PIN4: variants seen among roughly 807,000 people sequenced by gnomAD.
The protein encoded by PIN4 is peptidyl-prolyl cis-trans isomerase NIMA-interacting 4.
Under a neutral mutation model 8.3 loss-of-function variants are expected in PIN4, and 3 were observed. That is an observed-to-expected ratio of 0.36 (90% CI 0.16 to 0.93). The LOEUF (loss-of-function observed/expected upper bound fraction) is 0.93, where lower values mean the gene tolerates loss of function less well. Ranked by LOEUF, PIN4 falls within the 40% of genes least tolerant of loss-of-function variation. The pLI is 0.44. For synonymous variants in PIN4, 18 were observed against 32.5 expected (o/e 0.55, Z 1.52); for missense variants, 75 against 100.6 (o/e 0.75, Z 1.09).
At chrX:72,209,630 T>C (rs1479619388) in intron 3 of PIN4, among the ~76,000 whole-genome samples, 1 of 111,388 alleles carries the variant, frequency 9.0e-6, no homozygotes, top group Non-Finnish European at 1.9e-5. Context: ...TCTACTACCA[T>C]TACTGTGGCC....
At chrX:72,226,788 G>A (rs981857598) in intron 3 of PIN4, among the ~76,000 whole-genome samples, 8 of 111,209 alleles carry the variant, frequency 7.2e-5, no homozygotes, top group African/African-American at 2.6e-4. Flanking sequence ...TAATCACAGC[G>A]GGGGCACAAG....
intron 2 of PIN4, among the ~76,000 whole-genome samples, chrX:72,188,175 C>T (rs957179962): frequency 8.9e-6 from 1 of 111,988 alleles, no homozygotes; most frequent in Non-Finnish European, 1.9e-5. Flanking sequence ...ATGTTACAAA[C>T]GGAGTACAGC....
chrX:72,240,178 TA>T (rs746139148), intron 3 of PIN4, among the ~76,000 whole-genome samples: 13 of 110,103 alleles, frequency 1.2e-4, no homozygotes, highest in Non-Finnish European at 2.5e-4. Flanking sequence ...AAAAATAATT[TA>T]AAAAAAAAGA....
At chrX:72,221,850 T>C (rs1004725898) in intron 3 of PIN4, among the ~76,000 whole-genome samples, 1 of 109,971 alleles carries the variant, frequency 9.1e-6, no homozygotes, top group Non-Finnish European at 1.9e-5. Flanking sequence ...GCTGTCTGGG[T>C]CTCTCCCTCC....
chrX:72,250,102 G>A (rs2043080961), intron 3 of PIN4, among the ~76,000 whole-genome samples: 1 of 108,690 alleles, frequency 9.2e-6, no homozygotes, highest in Non-Finnish European at 1.9e-5. Flanking sequence ...ACTTTTCAGA[G>A]ATGCCCATCA....
At chrX:72,185,574 CAGTAGTTGTATAG>C (rs1207412523) in intron 1 of PIN4, among the ~76,000 whole-genome samples, 6 of 112,338 alleles carry the variant, frequency 5.3e-5, no homozygotes, top group Non-Finnish European at 1.1e-4. Context: ...GCCTGGAACT[CAGTAGTTGTATAG>C]GAAATGTTTA....
chrX:72,254,390 T>C (rs2043100827), intron 3 of PIN4, among the ~76,000 whole-genome samples: 3 of 111,880 alleles, frequency 2.7e-5, no homozygotes, highest in Admixed American at 1.9e-4. Context: ...ACTCTAATCC[T>C]ATTTATATAT....
chrX:72,240,065 G>A (rs1165550258), intron 3 of PIN4, among the ~76,000 whole-genome samples: 1 of 106,805 alleles, frequency 9.4e-6, no homozygotes, highest in Admixed American at 1.0e-4. Flanking sequence ...CTCCAGCCTG[G>A]GTGACAGAGA....
intron 3 of PIN4, chrX:72,206,279 A>G (rs761174938): frequency 5.8e-6 from 7 of 1,208,022 alleles, no homozygotes; most frequent in Admixed American, 2.2e-5. Flanking sequence ...TCCATTCCCA[A>G]TGAAGAGTTA....
At chrX:72,190,079 C>T (rs1177084627) in intron 2 of PIN4, among the ~76,000 whole-genome samples, 2 of 111,050 alleles carry the variant, frequency 1.8e-5, no homozygotes, top group Admixed American at 1.9e-4. Flanking sequence ...CTGTTCTTCT[C>T]CTCACAGACC....
chrX:72,226,994 A>G (rs1171152581), intron 3 of PIN4, among the ~76,000 whole-genome samples: 1 of 112,009 alleles, frequency 8.9e-6, no homozygotes, highest in East Asian at 2.8e-4. Flanking sequence ...TCTACTTGCC[A>G]AAAGGCTTCA....
intron 3 of PIN4, among the ~76,000 whole-genome samples, chrX:72,258,205 G>A (rs1329961287): frequency 8.9e-6 from 1 of 111,973 alleles, no homozygotes. Context: ...GGAGATGAGA[G>A]GTCCACCTCC....
chrX:72,244,635 T>C (rs1451782061), intron 3 of PIN4, among the ~76,000 whole-genome samples: 4 of 111,691 alleles, frequency 3.6e-5, no homozygotes, highest in Non-Finnish European at 5.6e-5. Flanking sequence ...CAAACCTAGG[T>C]ACCTTCAATC....
chrX:72,211,065 A>G (rs1459899314), intron 3 of PIN4, among the ~76,000 whole-genome samples: 8 of 111,753 alleles, frequency 7.2e-5, no homozygotes, highest in African/African-American at 2.3e-4. Context: ...TTTACAATGC[A>G]GTTTGATTTA....
chrX:72,239,041 T>C (rs1484527547), intron 3 of PIN4: 6 of 661,987 alleles, frequency 9.1e-6, no homozygotes, highest in Non-Finnish European at 4.5e-6. Context: ...CTGTGCGCCG[T>C]GGAGAGGGAC....
intron 3 of PIN4, chrX:72,238,064 A>ACATGAG (rs1208493884): frequency 8.9e-6 from 1 of 111,957 alleles, no homozygotes; most frequent in Non-Finnish European, 1.9e-5. Flanking sequence ...CAGTTTTGCC[A>ACATGAG]CATGAGAAAA....
At chrX:72,223,059 G>A (rs1001208732) in intron 3 of PIN4, among the ~76,000 whole-genome samples, 3 of 105,501 alleles carry the variant, frequency 2.8e-5, no homozygotes, top group African/African-American at 1.0e-4. Context: ...AAGGTCAGCC[G>A]GGTGCAGTGG....
At chrX:72,204,876 T>C (rs1203340917) in intron 3 of PIN4, 2 of 449,200 alleles carry the variant, frequency 4.5e-6, no homozygotes, top group Non-Finnish European at 7.2e-6. Context: ...GTGGGGGGCG[T>C]TGCAGGGCAG....
At chrX:72,185,154 A>AAAAAAAAC (rs1368631146) in intron 1 of PIN4, among the ~76,000 whole-genome samples, 2 of 103,216 alleles carry the variant, frequency 1.9e-5, no homozygotes, top group African/African-American at 6.9e-5. Context: ...TCTCAAAAAA[A>AAAAAAAAC]AAAAAAAAAA....
Sources: gnomAD v4.1 joint callset for allele counts (sites outside exome capture counted in the v4.1 genomes callset) on GRCh38, gnomAD v4.1.1 for gene constraint, MANE v1.5 for transcripts, NCBI Gene and HGNC (gene_info 2026-07-23, HGNC 2026-07-21) for gene names.